The following DYNC2I1 variants were observed in gnomAD, a reference collection of about 807,000 sequenced individuals.
The protein encoded by DYNC2I1 is dynein 2 intermediate chain 1, also known as cytoplasmic dynein 2 intermediate chain 1.
Under a neutral mutation model 133.4 loss-of-function variants are expected in DYNC2I1, and 89 were observed. That is an observed-to-expected ratio of 0.67 (90% CI 0.56 to 0.80). The LOEUF is 0.80. Among genes scored for constraint, DYNC2I1 ranks in the 30% least tolerant of loss-of-function variants. The probability of loss-of-function intolerance (pLI) is 0.00; values close to 1 mark genes in which losing one functional copy is unlikely to be tolerated. For synonymous variants in DYNC2I1, 504 were observed against 484.3 expected (o/e 1.04, Z -0.54); for missense variants, 1,291 against 1,314.5 (o/e 0.98, Z 0.28).
chr7:158,918,579 A>G (rs985570034), intron 14 of DYNC2I1, among the ~76,000 whole-genome samples, 161 bp from the exon 15 acceptor site: 1 of 152,250 alleles, frequency 6.6e-6, no homozygotes, highest in African/African-American at 2.4e-5. Flanking sequence ...AGTTTTCAGT[A>G]TTGAGCAGAA....
At chr7:158,891,226 C>A (rs1479082542) in intron 7 of DYNC2I1, 39 bp from the exon 8 acceptor site, 1 of 1,612,200 alleles carries the variant, frequency 6.2e-7, no homozygotes, top group African/African-American at 1.3e-5. Flanking sequence ...TGGAGTCCCA[C>A]CTGTGTCCTG....
At chr7:158,872,696 C>G (rs1842991541) in intron 3 of DYNC2I1, among the ~76,000 whole-genome samples, 1 of 151,256 alleles carries the variant, frequency 6.6e-6, no homozygotes, top group South Asian at 2.1e-4. Flanking sequence ...TAGAGTTTTA[C>G]TATTAAAACA....
chr7:158,839,656 A>G, the DYNC2I1 span, among the ~76,000 whole-genome samples: 6 of 152,132 alleles, frequency 3.9e-5, no homozygotes, highest in African/African-American at 7.2e-5. Flanking sequence ...CGTCTCTACT[A>G]AAAATACAAA....
At chr7:158,913,581 G>T (rs1297268377) in intron 13 of DYNC2I1, among the ~76,000 whole-genome samples, 1 of 152,086 alleles carries the variant, frequency 6.6e-6, no homozygotes, top group African/African-American at 2.4e-5. Flanking sequence ...TACTTTACTG[G>T]TTTTTCTCAA....
intron 15 of DYNC2I1, among the ~76,000 whole-genome samples, chr7:158,919,553 G>T (rs1033542378): frequency 6.6e-6 from 1 of 152,188 alleles, no homozygotes; most frequent in Non-Finnish European, 1.5e-5. Context: ...GAGGTGGTCC[G>T]TGTGGCCGTC....
downstream of DYNC2I1, among the ~76,000 whole-genome samples, chr7:158,948,265 A>G (rs1204224192): frequency 6.6e-6 from 1 of 152,232 alleles, no homozygotes; most frequent in Non-Finnish European, 1.5e-5. Flanking sequence ...ACTTTACAGC[A>G]AGGCCGCTTC....
intron 9 of DYNC2I1, 98 bp from the exon 10 acceptor site, chr7:158,902,274 TTGTC>T (rs1157331036): frequency 5.4e-6 from 5 of 924,184 alleles, no homozygotes; most frequent in Non-Finnish European, 8.2e-6. Flanking sequence ...AATAAGGACA[TTGTC>T]TGTTTTAAGT....
chr7:158,859,766 T>C (rs1162815371), intron 1 of DYNC2I1, among the ~76,000 whole-genome samples: 5 of 152,182 alleles, frequency 3.3e-5, no homozygotes, highest in Non-Finnish European at 7.3e-5. Context: ...ATTATAGGCA[T>C]GAGCCACTGT....
intron 23 of DYNC2I1, among the ~76,000 whole-genome samples, chr7:158,939,828 GATAAATTAGACTACAA>G (rs1193416349): frequency 6.6e-6 from 1 of 152,154 alleles, no homozygotes; most frequent in Admixed American, 6.5e-5. Flanking sequence ...ACTCATGGCA[GATAAATTAGACTACAA>G]ATCAAAGACT....
intron 8 of DYNC2I1, among the ~76,000 whole-genome samples, chr7:158,899,982 C>T (rs1585083787): frequency 6.6e-6 from 1 of 152,140 alleles, no homozygotes; most frequent in Non-Finnish European, 1.5e-5. Context: ...CTTTATTTCT[C>T]CTTCACTTTG....
chr7:158,937,756 A>T (rs11536367), intron 23 of DYNC2I1, among the ~76,000 whole-genome samples: 26,960 of 152,090 alleles, frequency 0.18, 3,061 homozygotes, highest in East Asian at 0.45. Flanking sequence ...AAAAAAAATT[A>T]AAAAATTTGC....
chr7:158,915,233 C>T (rs553524676), intron 14 of DYNC2I1, among the ~76,000 whole-genome samples: 65 of 150,672 alleles, frequency 4.3e-4, no homozygotes, highest in African/African-American at 1.3e-3. Flanking sequence ...TGTGAAACAT[C>T]GACATGCTGG....
In DYNC2I1 at chr7:158,942,105, A is replaced by G. The variant is rs759916390; in HGVS notation, c.2959A>G (p.Ser987Gly). Residue 987 changes from serine (S) to glycine (G), a missense_variant, in exon 24 of 25, where the codon AGC becomes GGC. Physicochemically the swap from Ser to Gly is moderately conservative, Grantham distance 56. Coordinates refer to ENST00000407559, the MANE Select transcript of DYNC2I1 (RefSeq NM_018051.5). ...CATCTACATCTGGGACCTCCTCCAG[A>G]GCGATCTGGGTCCTGTCGCCAAACA... ...SNIYIWDLLQ[S>G]DLGPVAKQQV... 4.7e-5 allele frequency: 75 copies of G among 1,596,284 alleles called. No individual in the cohort carries two copies. Among genetic ancestry groups the G allele is most frequent in the Non-Finnish European group, 6.1e-5 (71 of 1,169,894 alleles).
At chr7:158,899,153 C>G (rs367747829) in intron 8 of DYNC2I1, among the ~76,000 whole-genome samples, 1 of 152,158 alleles carries the variant, frequency 6.6e-6, no homozygotes, top group East Asian at 1.9e-4. Context: ...TAAGTCATCT[C>G]TAGATTGCTT....
At chr7:158,884,850 A>G (rs1271178499) in intron 6 of DYNC2I1, among the ~76,000 whole-genome samples, 1 of 152,156 alleles carries the variant, frequency 6.6e-6, no homozygotes, top group Non-Finnish European at 1.5e-5. Context: ...GGCCTTTTAA[A>G]TTAATTATAT....
the DYNC2I1 span, among the ~76,000 whole-genome samples, chr7:158,847,653 G>A: frequency 6.6e-6 from 1 of 152,180 alleles, no homozygotes; most frequent in Non-Finnish European, 1.5e-5. Flanking sequence ...TCATCCCTTG[G>A]TTATTGTTTT....
At chr7:158,925,842 C>T (rs1849557979) in intron 17 of DYNC2I1, among the ~76,000 whole-genome samples, 1 of 152,180 alleles carries the variant, frequency 6.6e-6, no homozygotes, top group Non-Finnish European at 1.5e-5. Flanking sequence ...GTTTGAGTGG[C>T]CCCCAGGATT....
At chr7:158,911,515 G>A (rs1166724374) in intron 11 of DYNC2I1, 35 bp from the exon 12 acceptor site, 15 of 1,605,630 alleles carry the variant, frequency 9.3e-6, no homozygotes, top group Non-Finnish European at 1.3e-5. Context: ...TATTATTCGA[G>A]TTAATTTTTG....
intron 7 of DYNC2I1, 145 bp downstream of exon 7, chr7:158,887,220 C>A: frequency 1.3e-6 from 1 of 760,540 alleles, no homozygotes; most frequent in South Asian, 1.6e-5. Flanking sequence ...CCAGAAGGCA[C>A]ACTGGAGACT....
Sources: gnomAD v4.1 joint callset for allele counts (sites outside exome capture counted in the v4.1 genomes callset) on GRCh38, gnomAD v4.1.1 for gene constraint, MANE v1.5 for transcripts, NCBI Gene and HGNC (gene_info 2026-07-23, HGNC 2026-07-21) for gene names.